Variants in NRG1 observed in about 807,000 individuals in gnomAD.
NRG1 encodes pro-neuregulin-1, membrane-bound isoform.
NRG1 carries 18 observed loss-of-function variants against 63.8 expected under a neutral mutation model. The ratio of observed to expected loss-of-function variants is 0.28; its 90% CI spans 0.19 to 0.42. The LOEUF (loss-of-function observed/expected upper bound fraction) is 0.42, where lower values mean the gene tolerates loss of function less well. Among genes scored for constraint, NRG1 ranks in the 10% least tolerant of loss-of-function variants. The pLI is 1.00. For synonymous variants in NRG1, 302 were observed against 301.3 expected, an observed-to-expected ratio of 1.00 and a Z score of -0.02; for missense variants, 762 against 814.7, an observed-to-expected ratio of 0.94 and a Z score of 0.79.
At chr8:31,796,940 G>A (rs1489860681) in intron 1 of NRG1, among the ~76,000 whole-genome samples, 1 of 152,106 alleles carries the variant, frequency 6.6e-6, no homozygotes, top group Non-Finnish European at 1.5e-5. Flanking sequence ...TGCAAGATCA[G>A]TGATTATATA....
At chr8:32,398,039 C>G (rs529809853) in intron 1 of NRG1, among the ~76,000 whole-genome samples, 44 of 152,284 alleles carry the variant, frequency 2.9e-4, no homozygotes, top group East Asian at 1.2e-3. Context: ...GCAGTCTGCT[C>G]TGCTCTAATA....
intron 1 of NRG1, among the ~76,000 whole-genome samples, chr8:32,257,054 T>C (rs7014262): frequency 0.051 from 7,777 of 152,230 alleles, 355 homozygotes; most frequent in Middle Eastern, 0.12. Context: ...CTCTGCCAAG[T>C]ACGAACTTCT....
intron 1 of NRG1, among the ~76,000 whole-genome samples, chr8:32,566,847 TG>T (rs1347216825): frequency 2.5e-4 from 7 of 27,614 alleles, no homozygotes; most frequent in African/African-American, 6.6e-4. Context: ...AGTAGCATTT[TG>T]TTTTGTTTTG....
intron 1 of NRG1, among the ~76,000 whole-genome samples, chr8:32,434,414 A>G (rs888424925): frequency 2.0e-5 from 3 of 152,098 alleles, no homozygotes; most frequent in Admixed American, 6.6e-5. Flanking sequence ...TATAAATTTA[A>G]AACATTAGGA....
At chr8:32,268,232 T>C (rs1851190930) in intron 1 of NRG1, among the ~76,000 whole-genome samples, 1 of 152,206 alleles carries the variant, frequency 6.6e-6, no homozygotes, top group African/African-American at 2.4e-5. Flanking sequence ...AGCCAGTACT[T>C]TGATTACAGC....
intron 4 of NRG1, among the ~76,000 whole-genome samples, chr8:32,615,117 C>A (rs1266781338): frequency 6.6e-6 from 1 of 152,082 alleles, no homozygotes; most frequent in African/African-American, 2.4e-5. Flanking sequence ...GCTGATAGCA[C>A]TTATAGTCTG....
At chr8:32,254,373 G>A (rs182341644) in intron 1 of NRG1, among the ~76,000 whole-genome samples, 28 of 152,228 alleles carry the variant, frequency 1.8e-4, no homozygotes, top group Non-Finnish European at 2.8e-4. Context: ...ATTCTGGTAC[G>A]CTGTGTCTTT....
At chr8:32,590,118 G>A (rs954745061) in intron 1 of NRG1, among the ~76,000 whole-genome samples, 6 of 152,194 alleles carry the variant, frequency 3.9e-5, no homozygotes, top group Non-Finnish European at 8.8e-5. Flanking sequence ...CTTAAAGCCT[G>A]TAAAGAGAAG....
chr8:32,234,131 A>G (rs1419636957), intron 1 of NRG1, among the ~76,000 whole-genome samples: 1 of 152,242 alleles, frequency 6.6e-6, no homozygotes, highest in Non-Finnish European at 1.5e-5. Flanking sequence ...TGCAAGAGAA[A>G]TTGATCAAGA....
intron 6 of NRG1, among the ~76,000 whole-genome samples, chr8:32,738,425 T>TAC (rs35398326): frequency 0.53 from 79,694 of 149,652 alleles, 21,938 homozygotes; most frequent in Middle Eastern, 0.64. Context: ...GGTATATACA[T>TAC]ACACACACAC....
chr8:32,488,403 T>C (rs147149842), intron 1 of NRG1, among the ~76,000 whole-genome samples: 2 of 152,250 alleles, frequency 1.3e-5, no homozygotes, highest in African/African-American at 4.8e-5. Context: ...TGAAATAAAA[T>C]GTGGGAGCAA....
chr8:32,364,004 G>A (rs1014393359), intron 1 of NRG1, among the ~76,000 whole-genome samples: 2 of 138,036 alleles, frequency 1.4e-5, no homozygotes, highest in South Asian at 2.3e-4. Context: ...TTTTTTAAGA[G>A]AACAAAAAAT....
intron 1 of NRG1, among the ~76,000 whole-genome samples, chr8:31,702,954 T>C (rs1206515091): frequency 6.6e-6 from 1 of 151,584 alleles, no homozygotes; most frequent in Non-Finnish European, 1.5e-5. Flanking sequence ...TGCTTTTTCA[T>C]TGAGAAATTT....
intron 1 of NRG1, among the ~76,000 whole-genome samples, chr8:31,751,607 G>A (rs994775924): frequency 6.6e-6 from 1 of 151,978 alleles, no homozygotes; most frequent in Non-Finnish European, 1.5e-5. Flanking sequence ...GAGCAGATGT[G>A]CTTTTTCAAT....
intron 1 of NRG1, among the ~76,000 whole-genome samples, chr8:31,879,100 A>G (rs942285687): frequency 1.3e-5 from 2 of 152,166 alleles, no homozygotes; most frequent in African/African-American, 4.8e-5. Context: ...CATGTACTCA[A>G]GGGGCACGCA....
intron 1 of NRG1, among the ~76,000 whole-genome samples, chr8:32,274,822 G>C (rs1279057935): frequency 6.6e-6 from 1 of 152,046 alleles, no homozygotes; most frequent in African/African-American, 2.4e-5. Context: ...GTATAAACAG[G>C]TTGCTTTTTA....
chr8:32,388,997 T>A (rs78683902), intron 1 of NRG1, among the ~76,000 whole-genome samples: 2,065 of 152,304 alleles, frequency 0.014, 39 homozygotes, highest in African/African-American at 0.047. Flanking sequence ...ATAGCCACAT[T>A]TTGACCTTCT....
At chr8:32,487,406 A>G (rs1421267346) in intron 1 of NRG1, among the ~76,000 whole-genome samples, 1 of 151,468 alleles carries the variant, frequency 6.6e-6, no homozygotes, top group Non-Finnish European at 1.5e-5. Flanking sequence ...GAAAAGATAC[A>G]TTTTTGGAGG....
rs1221003182 is a variant in NRG1, at chr8:32,282,060, G to A, written c.38-313768G>A. ...CCGCTCACAGAGTCTGGTGGGCTAT[G>A]AATTTGATGGTACAACTTCTAACTT... On this transcript the variant is annotated intron_variant, in intron 1 of 10. Coordinates refer to the NRG1 transcript ENST00000519301. Among the ~76,000 whole-genome samples the A allele has an allele frequency of 6.6e-5, 10 of 152,210 alleles. 1 individual carries two copies. The highest frequency in any genetic ancestry group is 6.5e-4 in the Admixed American group (10 of 15,282).
Sources: allele counts gnomAD v4.1 joint callset (sites outside exome capture counted in the v4.1 genomes callset), GRCh38; gene constraint gnomAD v4.1.1; transcripts MANE v1.5; gene names NCBI Gene and HGNC (gene_info 2026-07-23, HGNC 2026-07-21).